The following ANKS1B variants were observed in gnomAD, a reference collection of about 807,000 sequenced individuals.
ANKS1B encodes ankyrin repeat and sterile alpha motif domain-containing protein 1B.
In ANKS1B, 36 loss-of-function variants were observed where a neutral mutation model predicts 148.3. The ratio of observed to expected loss-of-function variants is 0.24; its 90% confidence interval spans 0.19 to 0.32. ANKS1B has a LOEUF of 0.32. Among genes scored for constraint, ANKS1B ranks in the 10% least tolerant of loss-of-function variants. ANKS1B has a pLI of 1.00. For synonymous variants in ANKS1B, 542 were observed against 560.8 expected, an observed-to-expected ratio of 0.97 and a Z score of 0.47; for missense variants, 1,157 against 1,542.6, an observed-to-expected ratio of 0.75 and a Z score of 4.19.
chr12:99,201,427 A>G (rs911306347), intron 14 of ANKS1B, among the ~76,000 whole-genome samples: 11 of 152,158 alleles, frequency 7.2e-5, no homozygotes, highest in Admixed American at 7.2e-4. Context: ...AATGATTACT[A>G]AGGAACATAC....
chr12:99,509,153 A>G (rs1302977007), intron 9 of ANKS1B, among the ~76,000 whole-genome samples: 2 of 151,786 alleles, frequency 1.3e-5, no homozygotes, highest in Non-Finnish European at 2.9e-5. Flanking sequence ...CCGACCAGCC[A>G]TTCCCCTGTC....
intron 15 of ANKS1B, among the ~76,000 whole-genome samples, chr12:99,107,752 T>G (rs528368397): frequency 6.6e-6 from 1 of 152,296 alleles, no homozygotes; most frequent in South Asian, 2.1e-4. Context: ...TGCAATTCAG[T>G]TCCTTCCTCT....
intron 15 of ANKS1B, among the ~76,000 whole-genome samples, chr12:99,114,323 C>A (rs1358273371): frequency 6.6e-6 from 1 of 152,148 alleles, no homozygotes; most frequent in East Asian, 1.9e-4. Flanking sequence ...AGCTCGTTAG[C>A]CCAGAGGCTA....
chr12:99,320,857 A>C (rs2154031340), intron 12 of ANKS1B, among the ~76,000 whole-genome samples: 1 of 152,164 alleles, frequency 6.6e-6, no homozygotes, highest in African/African-American at 2.4e-5. Context: ...CTTTGATGAT[A>C]GTGATGTGCA....
intron 12 of ANKS1B, chr12:99,343,733 A>T (rs1329281418): frequency 3.3e-5 from 5 of 151,990 alleles, no homozygotes; most frequent in Admixed American, 3.3e-4. Flanking sequence ...ATTTTTGAAG[A>T]GTCATTGGTA....
intron 1 of ANKS1B, among the ~76,000 whole-genome samples, chr12:99,829,805 G>A (rs552646924): frequency 6.6e-6 from 1 of 152,268 alleles, no homozygotes; most frequent in East Asian, 1.9e-4. Flanking sequence ...ACTCCAGCCT[G>A]GGCGACAGAG....
chr12:98,862,965 C>G (rs1228277006), intron 17 of ANKS1B, among the ~76,000 whole-genome samples: 1 of 152,182 alleles, frequency 6.6e-6, no homozygotes, highest in Non-Finnish European at 1.5e-5. Context: ...AATATAGTCT[C>G]TGCATGAAAA....
intron 17 of ANKS1B, among the ~76,000 whole-genome samples, chr12:99,041,142 G>C (rs772134009): frequency 2.0e-5 from 3 of 152,142 alleles, no homozygotes; most frequent in Non-Finnish European, 4.4e-5. Context: ...TCTTGAGCAA[G>C]ATTGACAATT....
intron 2 of ANKS1B, among the ~76,000 whole-genome samples, chr12:99,819,017 C>T (rs762569946): frequency 6.6e-6 from 1 of 151,820 alleles, no homozygotes; most frequent in Non-Finnish European, 1.5e-5. Context: ...TCATACCATC[C>T]TCTCTTGCTT....
intron 1 of ANKS1B, among the ~76,000 whole-genome samples, chr12:99,928,271 A>ATTT (rs763106581): frequency 4.0e-5 from 4 of 99,066 alleles, no homozygotes; most frequent in African/African-American, 1.6e-4. Context: ...ATTTTATTTT[A>ATTT]TTTTTTTTTT....
chr12:99,704,742 T>C (rs1229879586), intron 8 of ANKS1B, among the ~76,000 whole-genome samples: 2 of 152,112 alleles, frequency 1.3e-5, no homozygotes, highest in African/African-American at 4.8e-5. Flanking sequence ...TCTGGTATAA[T>C]AGTTCTCTAG....
chr12:99,840,816 G>A (rs1373976108), intron 1 of ANKS1B, among the ~76,000 whole-genome samples: 2 of 152,018 alleles, frequency 1.3e-5, no homozygotes, highest in Non-Finnish European at 2.9e-5. Context: ...TACACAAACT[G>A]CATTGGCTAG....
chr12:98,914,059 G>T (rs568639224), intron 17 of ANKS1B, among the ~76,000 whole-genome samples: 1 of 152,178 alleles, frequency 6.6e-6, no homozygotes, highest in African/African-American at 2.4e-5. Context: ...CAAATATCAC[G>T]CTGAATTGTA....
rs141759421 is a variant in ANKS1B at position 99,889,601 on chromosome 12, CAT to C, written c.135-64214_135-64213del. ...TTTAAAAACTCATTTTCCCCAAATC[CAT>C]ATGAGTCTGAATGCTGAGAAATTCC... On this transcript the variant is annotated intron_variant, in intron 1 of 26. Coordinates refer to ENST00000683438, the MANE Select transcript of ANKS1B (RefSeq NM_001352186.2). Among the ~76,000 whole-genome samples, 138 of 152,216 alleles carry C rather than the reference CAT, an allele frequency of 9.1e-4. 1 individual carries two copies. Among genetic ancestry groups the C allele is most frequent in the African/African-American group, 2.9e-3 (122 of 41,558 alleles).
chr12:99,411,228 A>AGT (rs940215302), intron 11 of ANKS1B, among the ~76,000 whole-genome samples: 75 of 152,320 alleles, frequency 4.9e-4, no homozygotes, highest in African/African-American at 1.7e-3. Context: ...TAGAGTCCCC[A>AGT]GTGTCTACTG....
At chr12:99,808,883 T>C (rs1197182305) in intron 3 of ANKS1B, among the ~76,000 whole-genome samples, 2 of 152,106 alleles carry the variant, frequency 1.3e-5, no homozygotes, top group Non-Finnish European at 2.9e-5. Flanking sequence ...AATTTTCTAG[T>C]AACACCAATT....
At chr12:98,997,486 C>T (rs1204938325) in intron 17 of ANKS1B, among the ~76,000 whole-genome samples, 1 of 150,540 alleles carries the variant, frequency 6.6e-6, no homozygotes, top group Non-Finnish European at 1.5e-5. Flanking sequence ...ACTGCACTCT[C>T]TGCCTCCTGG....
At chr12:99,869,121 G>A (rs979362587) in intron 1 of ANKS1B, among the ~76,000 whole-genome samples, 1 of 151,986 alleles carries the variant, frequency 6.6e-6, no homozygotes, top group Non-Finnish European at 1.5e-5. Flanking sequence ...TGATGAAAGA[G>A]AAAATACTGA....
intron 15 of ANKS1B, among the ~76,000 whole-genome samples, chr12:99,118,990 G>C (rs2153720491): frequency 6.6e-6 from 1 of 152,236 alleles, no homozygotes; most frequent in East Asian, 1.9e-4. Context: ...CCAGCACTCA[G>C]GCAGAACTTC....
Sources: gnomAD v4.1 joint callset for allele counts (sites outside exome capture counted in the v4.1 genomes callset) on GRCh38, gnomAD v4.1.1 for gene constraint, MANE v1.5 for transcripts, NCBI Gene and HGNC (gene_info 2026-07-23, HGNC 2026-07-21) for gene names.